The following ADAMTS12 variants were observed in gnomAD, a reference collection of about 807,000 sequenced individuals.
The protein encoded by ADAMTS12 is ADAM metallopeptidase with thrombospondin type 1 motif 12.
ADAMTS12 carries 118 observed loss-of-function variants against 167.8 expected under a neutral mutation model. The observed-to-expected ratio is 0.70, with a 90% CI of 0.61 to 0.82. The LOEUF (loss-of-function observed/expected upper bound fraction) is 0.82, where lower values mean the gene tolerates loss of function less well. Ranked by LOEUF, ADAMTS12 falls within the 40% of genes least tolerant of loss-of-function variation. ADAMTS12 has a pLI of 0.00. For synonymous variants in ADAMTS12, 704 were observed against 716.9 expected (o/e 0.98, Z 0.29); for missense variants, 1,916 against 1,998.8 (o/e 0.96, Z 0.79).
rs74446908 is a variant in ADAMTS12 at position 33,785,001 on chromosome 5, G to A, written c.490-33453C>T. Among the ~76,000 whole-genome samples, 568 of 152,088 alleles carry A rather than the reference G, an allele frequency of 3.7e-3. 4 individuals are homozygous for A. The highest frequency in any genetic ancestry group is 0.013 in the African/African-American group (528 of 41,486). On this transcript the variant is annotated intron_variant, in intron 2 of 23. Coordinates refer to ENST00000504830, the MANE Select transcript of ADAMTS12 (RefSeq NM_030955.4). Reference sequence around the variant, plus strand: ...GTGCAGATCGATGGAAGAAAATAGTGAGCAGTTAACCCTTGCTCATAGGTT... The same window carrying A: ...GTGCAGATCGATGGAAGAAAATAGTAAGCAGTTAACCCTTGCTCATAGGTT...
intron 2 of ADAMTS12, among the ~76,000 whole-genome samples, chr5:33,877,845 A>C (rs908077828): frequency 6.6e-6 from 1 of 152,196 alleles, no homozygotes; most frequent in African/African-American, 2.4e-5. Flanking sequence ...ATGAGTCTCA[A>C]ATCACAGACA....
At chr5:33,595,807 C>T (rs577598109) in intron 17 of ADAMTS12, 127 bp downstream of exon 17, 86 of 1,379,876 alleles carry the variant, frequency 6.2e-5, no homozygotes, top group South Asian at 2.1e-4. Flanking sequence ...AAACTCTAAC[C>T]GCGTTCTTGT....
chr5:33,616,666 G>A (rs1359860531), intron 14 of ADAMTS12, among the ~76,000 whole-genome samples: 2 of 152,162 alleles, frequency 1.3e-5, no homozygotes, highest in South Asian at 2.1e-4. Flanking sequence ...ACTGTTGGAC[G>A]ATTCTATTCA....
At position 33,527,237 on chromosome 5, in the gene ADAMTS12, G is replaced by T. The variant is rs1198278883; in HGVS notation, c.4736C>A (p.Thr1579Asn). The change falls in exon 24 of 24, where the codon ACC (threonine) becomes AAC (asparagine). Residue 1579 changes from threonine to asparagine, a missense_variant. Thr to Asn is a moderately conservative substitution (Grantham distance 65). Coordinates refer to ENST00000504830, the MANE Select transcript of ADAMTS12 (RefSeq NM_030955.4). ...FSCPQTHITH[T>N]QRQRRQRLLQ... ...CAACCGTTGCCTTCTTTGCCTTTGG[G>T]TGTGTGTGATGTGTGTCTGGGGACA... 3.1e-6 allele frequency: 5 copies of T among 1,614,098 alleles called. No homozygotes were observed. Among genetic ancestry groups the T allele is most frequent in the Non-Finnish European group, 4.2e-6 (5 of 1,180,014 alleles).
chr5:33,779,184 ATTT>A (rs58073487), intron 2 of ADAMTS12, among the ~76,000 whole-genome samples: 13,466 of 135,404 alleles, frequency 0.099, 1,826 homozygotes, highest in African/African-American at 0.31. Flanking sequence ...TGAAATTAGT[ATTT>A]TTTTTTTTTT....
intron 2 of ADAMTS12, among the ~76,000 whole-genome samples, chr5:33,785,416 A>G (rs1746291303): frequency 6.6e-6 from 1 of 152,112 alleles, no homozygotes; most frequent in Admixed American, 6.6e-5. Context: ...CAAACCATGT[A>G]TCTGACAAAA....
intron 3 of ADAMTS12, among the ~76,000 whole-genome samples, chr5:33,693,064 C>CGGAAG (rs1742610340): frequency 6.6e-6 from 1 of 152,230 alleles, no homozygotes; most frequent in Non-Finnish European, 1.5e-5. Flanking sequence ...GTCAGCAAGT[C>CGGAAG]TGTTAGTCGG....
At chr5:33,839,516 A>G (rs556317911) in intron 2 of ADAMTS12, among the ~76,000 whole-genome samples, 126 of 152,204 alleles carry the variant, frequency 8.3e-4, no homozygotes, top group Non-Finnish European at 2.2e-4. Flanking sequence ...TCCCAGGTCA[A>G]TTTTCTTTCC....
intron 3 of ADAMTS12, among the ~76,000 whole-genome samples, chr5:33,703,143 C>A (rs1743062713): frequency 6.6e-6 from 1 of 152,192 alleles, no homozygotes; most frequent in African/African-American, 2.4e-5. Flanking sequence ...TTCAAAGCCT[C>A]TGGTGATGAT....
intron 19 of ADAMTS12, among the ~76,000 whole-genome samples, chr5:33,571,320 T>C (rs1223245504): frequency 1.3e-5 from 2 of 152,020 alleles, no homozygotes; most frequent in Non-Finnish European, 2.9e-5. Flanking sequence ...ACCACACCTA[T>C]TCCAAAATTG....
intron 3 of ADAMTS12, among the ~76,000 whole-genome samples, chr5:33,685,931 A>G (rs1170340293): frequency 6.6e-6 from 1 of 152,084 alleles, no homozygotes; most frequent in East Asian, 1.9e-4. Flanking sequence ...ATCTGCTTTC[A>G]AATGTCTCTG....
At chr5:33,800,069 G>C (rs897810939) in intron 2 of ADAMTS12, among the ~76,000 whole-genome samples, 1 of 152,140 alleles carries the variant, frequency 6.6e-6, no homozygotes, top group Non-Finnish European at 1.5e-5. Flanking sequence ...AGCCAAAGGG[G>C]ATACCAATAT....
In ADAMTS12 at chr5:33,613,169, T is replaced by C. The variant is rs562172075; in HGVS notation, c.2527+1069A>G. Among the ~76,000 whole-genome samples, 4 of 152,308 alleles carry C rather than the reference T, an allele frequency of 2.6e-5. No homozygotes were observed. The East Asian group carries it at 7.7e-4, about 29-fold the overall frequency. On this transcript the variant is annotated intron_variant, in intron 16 of 23. Coordinates refer to ENST00000504830, the MANE Select transcript of ADAMTS12 (RefSeq NM_030955.4). ...CAATTCTGGCACATCACTCTGCAGC[T>C]GTCCTAGTTTTGCAGGTTGCAGTTA...
chr5:33,575,712 T>C (rs1306306235), intron 19 of ADAMTS12, among the ~76,000 whole-genome samples: 1 of 152,176 alleles, frequency 6.6e-6, no homozygotes, highest in Non-Finnish European at 1.5e-5. Context: ...GACTGCATAA[T>C]GATTTCAAAG....
chr5:33,756,959 T>C (rs1247721105), intron 2 of ADAMTS12, among the ~76,000 whole-genome samples: 1 of 152,212 alleles, frequency 6.6e-6, no homozygotes, highest in Non-Finnish European at 1.5e-5. Context: ...ATATAGCCAA[T>C]GCAACAGAGA....
intron 15 of ADAMTS12, among the ~76,000 whole-genome samples, chr5:33,615,046 C>T (rs1738925211): frequency 6.6e-6 from 1 of 152,220 alleles, no homozygotes; most frequent in Admixed American, 6.5e-5. Flanking sequence ...CCCCTTACTT[C>T]CCTCTCATGC....
chr5:33,621,398 T>G (rs1263699241), intron 14 of ADAMTS12, among the ~76,000 whole-genome samples: 1 of 78,190 alleles, frequency 1.3e-5, no homozygotes, highest in Non-Finnish European at 2.3e-5. Context: ...AGACTCCATC[T>G]CAAAAAAAAA....
chr5:33,797,367 T>C (rs1010772159), intron 2 of ADAMTS12, among the ~76,000 whole-genome samples: 14 of 150,478 alleles, frequency 9.3e-5, no homozygotes, highest in African/African-American at 2.9e-4. Context: ...ATAGGGAAGT[T>C]AGTAAACACT....
intron 1 of ADAMTS12, among the ~76,000 whole-genome samples, chr5:33,884,023 G>C (rs564867758): frequency 1.2e-4 from 19 of 152,292 alleles, no homozygotes; most frequent in Admixed American, 7.8e-4. Flanking sequence ...CTCGAACAGT[G>C]AAGGGAGTTG....
Sources: allele counts gnomAD v4.1 joint callset (sites outside exome capture counted in the v4.1 genomes callset), GRCh38; gene constraint gnomAD v4.1.1; transcripts MANE v1.5; gene names NCBI Gene and HGNC (gene_info 2026-07-23, HGNC 2026-07-21).